EPHA6: variants seen among roughly 807,000 people sequenced by gnomAD.
EPHA6 encodes the protein EPH receptor A6.
EPHA6 carries 50 observed loss-of-function variants against 112.0 expected under a neutral mutation model. That is an observed-to-expected ratio of 0.45 (90% CI 0.36 to 0.56). EPHA6 has a LOEUF of 0.56. Ranked by LOEUF, EPHA6 falls within the 20% of genes least tolerant of loss-of-function variation. The pLI, the probability that EPHA6 is intolerant of heterozygous loss-of-function variation, is 0.00. For missense variants in EPHA6, 1,280 were observed against 1,417.4 expected (o/e 0.90, Z 1.56); for synonymous variants, 529 against 490.7 (o/e 1.08, Z -1.03).
At chr3:97,458,884 C>A (rs1427627698) in intron 7 of EPHA6, among the ~76,000 whole-genome samples, 1 of 151,804 alleles carries the variant, frequency 6.6e-6, no homozygotes, top group Non-Finnish European at 1.5e-5. Flanking sequence ...ACTAGGAATT[C>A]AAAAACAAAA....
rs1430471535 is a variant in EPHA6, at chr3:96,954,848, C to A, written c.451-32482C>A. 1.4e-4 allele frequency among the ~76,000 whole-genome samples: 18 copies of A among 125,058 alleles called. No individual in the cohort carries two copies. In the Admixed American group the frequency reaches 1.8e-3, roughly 13 times the overall value. 82.0% of individuals were successfully genotyped at this position (125,058 alleles called of 152,430 possible). A position where few individuals can be genotyped will look rare whatever the true frequency, so the allele number is the denominator to read the frequency against. ...GTCGCCCAGGCCGGACTGCGGACTG[C>A]AGTGGCGCAATCTCGGCTCACTGCA... On this transcript the variant is annotated intron_variant, in intron 2 of 17. Coordinates refer to ENST00000389672, the MANE Select transcript of EPHA6 (RefSeq NM_001080448.3).
At chr3:97,025,826 G>A (rs959046261) in intron 3 of EPHA6, among the ~76,000 whole-genome samples, 1 of 151,996 alleles carries the variant, frequency 6.6e-6, no homozygotes, top group African/African-American at 2.4e-5. Flanking sequence ...CTGACGTCAT[G>A]ATCTGCCCTC....
chr3:97,073,861 G>C (rs1017841625), intron 3 of EPHA6, among the ~76,000 whole-genome samples: 10 of 152,008 alleles, frequency 6.6e-5, no homozygotes, highest in Admixed American at 1.3e-4. Context: ...AAATATGTAT[G>C]CTAGCTTCAA....
At chr3:97,628,741 A>G (rs1186067368) in intron 13 of EPHA6, among the ~76,000 whole-genome samples, 1 of 152,022 alleles carries the variant, frequency 6.6e-6, no homozygotes, top group African/African-American at 2.4e-5. Flanking sequence ...AAATCTAGTA[A>G]AGATGGCATT....
intron 14 of EPHA6, among the ~76,000 whole-genome samples, chr3:97,699,233 G>C (rs1309198645): frequency 6.6e-6 from 1 of 151,976 alleles, no homozygotes; most frequent in Non-Finnish European, 1.5e-5. Flanking sequence ...AGCCCCTCTT[G>C]GTGATAAAGA....
At chr3:97,025,213 G>C (rs2044596704) in intron 3 of EPHA6, among the ~76,000 whole-genome samples, 1 of 152,106 alleles carries the variant, frequency 6.6e-6, no homozygotes, top group Non-Finnish European at 1.5e-5. Flanking sequence ...CACTTCGTAA[G>C]CACTCACCAT....
chr3:97,561,535 G>A (rs1577784297), intron 11 of EPHA6, among the ~76,000 whole-genome samples: 1 of 151,964 alleles, frequency 6.6e-6, no homozygotes, highest in Non-Finnish European at 1.5e-5. Flanking sequence ...TGAAGAAACT[G>A]CAGTCAAAAA....
chr3:97,092,429 A>C (rs1209694810), intron 3 of EPHA6, among the ~76,000 whole-genome samples: 1 of 152,008 alleles, frequency 6.6e-6, no homozygotes, highest in Non-Finnish European at 1.5e-5. Flanking sequence ...GCTTCTATAA[A>C]TTGTCTTGGA....
intron 14 of EPHA6, among the ~76,000 whole-genome samples, chr3:97,653,932 T>A (rs953980818): frequency 2.0e-5 from 3 of 151,872 alleles, no homozygotes; most frequent in African/African-American, 7.2e-5. Context: ...ATGTAGAATC[T>A]AAAATAGTCT....
intron 2 of EPHA6, among the ~76,000 whole-genome samples, chr3:96,899,766 C>T (rs1028414659): frequency 2.0e-4 from 30 of 152,040 alleles, no homozygotes; most frequent in Admixed American, 1.1e-3. Context: ...AGGGTGCTGT[C>T]TTTAGTGAAA....
At chr3:97,456,273 T>A (rs996813829) in intron 7 of EPHA6, among the ~76,000 whole-genome samples, 3 of 152,110 alleles carry the variant, frequency 2.0e-5, no homozygotes, top group Non-Finnish European at 2.9e-5. Flanking sequence ...CTCATTTGTG[T>A]ATGCTGTGTG....
At chr3:97,314,124 T>G (rs189143438) in intron 5 of EPHA6, among the ~76,000 whole-genome samples, 188 of 151,766 alleles carry the variant, frequency 1.2e-3, no homozygotes, top group African/African-American at 4.3e-3. Flanking sequence ...CACCATTTAT[T>G]GAAGAGACTG....
At chr3:97,628,425 A>T (rs976043126) in intron 13 of EPHA6, among the ~76,000 whole-genome samples, 1 of 152,010 alleles carries the variant, frequency 6.6e-6, no homozygotes, top group East Asian at 1.9e-4. Flanking sequence ...TGTCTGCCAC[A>T]TAATCAGGTA....
intron 5 of EPHA6, among the ~76,000 whole-genome samples, chr3:97,350,753 T>C (rs1382165207): frequency 6.6e-6 from 1 of 152,166 alleles, no homozygotes; most frequent in Non-Finnish European, 1.5e-5. Context: ...TTTGAAAATA[T>C]GCCACATGTT....
At chr3:97,285,307 A>G (rs1251016909) in intron 5 of EPHA6, among the ~76,000 whole-genome samples, 1 of 152,132 alleles carries the variant, frequency 6.6e-6, no homozygotes, top group Non-Finnish European at 1.5e-5. Context: ...TGTAACTATC[A>G]AATATTAGAA....
intron 10 of EPHA6, among the ~76,000 whole-genome samples, chr3:97,491,808 T>G (rs775023203): frequency 3.2e-4 from 49 of 152,050 alleles, no homozygotes; most frequent in African/African-American, 1.1e-3. Context: ...GGGCTGTCAT[T>G]AATCCCACAG....
chr3:97,584,352 C>G (rs2093468675), intron 11 of EPHA6, among the ~76,000 whole-genome samples: 1 of 152,180 alleles, frequency 6.6e-6, no homozygotes, highest in Non-Finnish European at 1.5e-5. Flanking sequence ...AAGTCACCAG[C>G]TGGCAGCCCA....
chr3:97,199,644 T>C (rs557571576), intron 3 of EPHA6, among the ~76,000 whole-genome samples: 5 of 152,302 alleles, frequency 3.3e-5, no homozygotes, highest in East Asian at 1.9e-4. Context: ...TGTGAAATTA[T>C]ATCAGTTCTT....
At chr3:97,579,053 C>T (rs1450448479) in intron 11 of EPHA6, among the ~76,000 whole-genome samples, 1 of 152,100 alleles carries the variant, frequency 6.6e-6, no homozygotes, top group Non-Finnish European at 1.5e-5. Flanking sequence ...TTTATGTTTG[C>T]CAGCAATTCT....
Sources: allele counts gnomAD v4.1 joint callset (sites outside exome capture counted in the v4.1 genomes callset), GRCh38; gene constraint gnomAD v4.1.1; transcripts MANE v1.5; gene names NCBI Gene and HGNC (gene_info 2026-07-23, HGNC 2026-07-21).